Variants in SCN10A observed in about 807,000 individuals in gnomAD.
SCN10A encodes the protein sodium voltage-gated channel alpha subunit 10, also known as sodium channel protein type 10 subunit alpha.
In SCN10A, 162 loss-of-function variants were observed where a neutral mutation model predicts 170.7. The observed-to-expected ratio is 0.95, with a 90% CI of 0.84 to 1.08. SCN10A has a LOEUF of 1.08. Ranked by LOEUF, SCN10A falls within the 50% of genes least tolerant of loss-of-function variation. The probability of loss-of-function intolerance (pLI) is 0.00; values close to 1 mark genes in which losing one functional copy is unlikely to be tolerated. For missense variants in SCN10A, 2,527 were observed against 2,436.9 expected, an observed-to-expected ratio of 1.04 and a Z score of -0.78; for synonymous variants, 985 against 904.6, an observed-to-expected ratio of 1.09 and a Z score of -1.59.
rs752914303 is a variant in SCN10A, at chr3:38,771,942, G to C, written c.471-535C>G. Among the ~76,000 whole-genome samples the C allele has an allele frequency of 4.6e-5, 7 of 152,172 alleles. No homozygotes were observed. The East Asian group carries it at 1.3e-3, about 29-fold the overall frequency. On this transcript the variant is annotated intron_variant, in intron 4 of 27. Coordinates refer to ENST00000449082, the MANE Select transcript of SCN10A (RefSeq NM_006514.4). ...TAAGTATCTCTGAAAGCAAGGTTTG[G>C]GGGAGGGTGATAAGTAGGGCTGAAA...
chr3:38,712,843 A>G (rs2063290498), intron 22 of SCN10A, among the ~76,000 whole-genome samples: 1 of 152,258 alleles, frequency 6.6e-6, no homozygotes, highest in Non-Finnish European at 1.5e-5. Flanking sequence ...CGTGGTCAAG[A>G]ACCAGTGAAA....
At chr3:38,720,540 T>C (rs965261799) in intron 20 of SCN10A, among the ~76,000 whole-genome samples, 1 of 152,332 alleles carries the variant, frequency 6.6e-6, no homozygotes, top group African/African-American at 2.4e-5. Flanking sequence ...ATGCATGTTA[T>C]TTTTAAAAGG....
Position 38,725,309 on chromosome 3 carries a change from C to T in SCN10A, c.3093G>A (p.Glu1031=), listed in dbSNP as rs764081453. The T allele has an allele frequency of 1.9e-6, 3 of 1,578,210 alleles. No homozygotes were observed. The highest frequency in any genetic ancestry group is 2.6e-6 in the Non-Finnish European group (3 of 1,152,424). The stretch of plus-strand genomic sequence containing the variant: ...CACACCTCTCGACTTGCTGCAGCTG[C>T]TCCTGCTAGTGAGAGAGGGTCCCAA... ...QQEVIPKGQQ[E]QLQQVERCGD... The change falls in exon 18 of 28, where the codon GAG becomes GAA. Residue 1031 remains glutamate (E), a synonymous_variant. Transcript: ENST00000449082.
At chr3:38,815,179 TAA>T (rs1234238626) in intron 1 of SCN10A, among the ~76,000 whole-genome samples, 1 of 152,214 alleles carries the variant, frequency 6.6e-6, no homozygotes, top group African/African-American at 2.4e-5. Flanking sequence ...GATTTGGGGT[TAA>T]AAACAAAGAT....
chr3:38,747,396 T>G (rs2063702904), intron 13 of SCN10A, among the ~76,000 whole-genome samples: 1 of 152,168 alleles, frequency 6.6e-6, no homozygotes, highest in Admixed American at 6.6e-5. Context: ...CCCTCATAGA[T>G]TTTACAACCT....
chr3:38,777,934 A>G (rs538779705), intron 4 of SCN10A, among the ~76,000 whole-genome samples: 37 of 152,284 alleles, frequency 2.4e-4, no homozygotes, highest in African/African-American at 8.7e-4. Context: ...CTAAATGTAG[A>G]AAGGAAAACT....
rs1040237623 is a variant in SCN10A at position 38,761,403 on chromosome 3, G to A, written c.692-20C>T. 3.1e-6 allele frequency: 5 copies of A among 1,604,988 alleles called. No individual in the cohort carries two copies. Among genetic ancestry groups the A allele is most frequent in the African/African-American group, 1.3e-5 (1 of 74,818 alleles). Reference sequence around the variant, plus strand: ...TCAGGCCTGCGGGAAGATGACAGTGGTATGACCACATGGATGAGGTAGCAC... The same window carrying A: ...TCAGGCCTGCGGGAAGATGACAGTGATATGACCACATGGATGAGGTAGCAC... On this transcript the variant is annotated intron_variant, in intron 6 of 27. Transcript: ENST00000449082.
intron 26 of SCN10A, among the ~76,000 whole-genome samples, chr3:38,704,806 G>C (rs566306563): frequency 6.6e-6 from 1 of 152,310 alleles, no homozygotes; most frequent in Admixed American, 6.5e-5. Context: ...TGCACTGATG[G>C]GGCAGAAATC....
Position 38,698,239 on chromosome 3 carries a change from C to T in SCN10A, c.4981G>A (p.Ala1661Thr), listed in dbSNP as rs760392111. 2 of 1,614,050 alleles carry T rather than the reference C, an allele frequency of 1.2e-6. No homozygotes were observed. Among genetic ancestry groups the T allele is most frequent in the Admixed American group, 3.3e-5 (2 of 60,026 alleles). ...MLCLFQITTS[A>T]GWDGLLSPIL... ...GGGCTGAGGAGGCCATCCCAGCCGG[C>T]CGACGTGGTAATCTGGAAGAGGCAC... The change falls in exon 28 of 28, where the codon GCC (alanine) becomes ACC (threonine). Residue 1661 changes from alanine (A) to threonine (T), a missense_variant. Physicochemically the swap from Ala to Thr is moderately conservative, Grantham distance 58 (BLOSUM62 0). Transcript: ENST00000449082.
At chr3:38,809,402 C>G (rs1005877535) in intron 1 of SCN10A, among the ~76,000 whole-genome samples, 2 of 152,228 alleles carry the variant, frequency 1.3e-5, no homozygotes, top group African/African-American at 4.8e-5. Context: ...TCTCTTGAAA[C>G]TGTCATAGCC....
intron 3 of SCN10A, among the ~76,000 whole-genome samples, chr3:38,791,066 C>T (rs1359027076): frequency 6.6e-6 from 1 of 152,156 alleles, no homozygotes; most frequent in Non-Finnish European, 1.5e-5. Flanking sequence ...GTCCAGAAAT[C>T]CAACAATCTG....
chr3:38,783,435 CTT>C (rs1397435658), intron 4 of SCN10A, among the ~76,000 whole-genome samples: 1 of 152,030 alleles, frequency 6.6e-6, no homozygotes, highest in Admixed American at 6.6e-5. Context: ...TGATTTCAAA[CTT>C]TATATAAATG....
At chr3:38,710,285 G>A (rs796700180) in intron 24 of SCN10A, among the ~76,000 whole-genome samples, 14 of 152,088 alleles carry the variant, frequency 9.2e-5, no homozygotes, top group African/African-American at 2.9e-4. Flanking sequence ...TCAGTCTCCC[G>A]AGCAGCTGGG....
chr3:38,715,175 C>T (rs1224985536), intron 21 of SCN10A, among the ~76,000 whole-genome samples: 4 of 152,156 alleles, frequency 2.6e-5, no homozygotes, highest in Non-Finnish European at 5.9e-5. Flanking sequence ...GGTTTGGGGC[C>T]AGTTCCATGC....
intron 12 of SCN10A, among the ~76,000 whole-genome samples, chr3:38,750,994 T>C (rs1436149745): frequency 3.3e-5 from 5 of 152,190 alleles, no homozygotes; most frequent in Non-Finnish European, 7.3e-5. Context: ...CTCTCTACCT[T>C]CTCCACTGTC....
Position 38,713,979 on chromosome 3 carries a change from A to C in SCN10A, c.3783T>G (p.Leu1261=), listed in dbSNP as rs367618914. The change falls in exon 22 of 28, where the codon CTT becomes CTG. Residue 1261 remains leucine (L), a synonymous_variant. Coordinates refer to ENST00000449082, the MANE Select transcript of SCN10A (RefSeq NM_006514.4). ...TTACCCGCATGCCTTCAAATCGAGAAAGAGCCCGCAGTGGCCGCAGAGCGC... is the reference window on the plus strand; with the variant it reads ...TTACCCGCATGCCTTCAAATCGAGACAGAGCCCGCAGTGGCCGCAGAGCGC... The part of the protein sequence containing the change: ...TLRALRPLRA[L]SRFEGMRVVV... The C allele has an allele frequency of 1.9e-6, 3 of 1,613,800 alleles. No homozygotes were observed. Among genetic ancestry groups the C allele is most frequent in the East Asian group, 2.2e-5 (1 of 44,870 alleles).
chr3:38,758,252 C>T (rs1029493225), intron 8 of SCN10A, among the ~76,000 whole-genome samples: 13 of 152,066 alleles, frequency 8.5e-5, no homozygotes, highest in African/African-American at 3.1e-4. Context: ...CTTTGTAGAC[C>T]CACATTTAAA....
In SCN10A at chr3:38,757,917, G is replaced by A. The variant is rs553345031; in HGVS notation, c.951-758C>T. 3.0e-4 allele frequency among the ~76,000 whole-genome samples: 46 copies of A among 152,326 alleles called. 1 individual carries two copies. The highest frequency in any genetic ancestry group is 5.3e-4 in the Non-Finnish European group (36 of 68,022). On this transcript the variant is annotated intron_variant, in intron 8 of 27. Coordinates refer to ENST00000449082, the MANE Select transcript of SCN10A (RefSeq NM_006514.4). The stretch of plus-strand genomic sequence containing the variant: ...TAGGAGGATGAGTCGATGTCAAGAA[G>A]CATCTGTCAGCTCAGGGAGCGTAAA...
At chr3:38,700,217 A>C (rs1333736500) in intron 27 of SCN10A, among the ~76,000 whole-genome samples, 1 of 152,230 alleles carries the variant, frequency 6.6e-6, no homozygotes, top group Non-Finnish European at 1.5e-5. Flanking sequence ...GATTGCATTT[A>C]TATAAGGAAT....
Sources: gnomAD v4.1 joint callset for allele counts (sites outside exome capture counted in the v4.1 genomes callset) on GRCh38, gnomAD v4.1.1 for gene constraint, MANE v1.5 for transcripts, NCBI Gene and HGNC (gene_info 2026-07-23, HGNC 2026-07-21) for gene names.